The following CNKSR3 variants were observed in gnomAD, a reference collection of about 807,000 sequenced individuals.
The protein encoded by CNKSR3 is connector enhancer of kinase suppressor of ras 3.
In CNKSR3, 36 loss-of-function variants were observed where a neutral mutation model predicts 67.7. The ratio of observed to expected loss-of-function variants is 0.53; its 90% CI spans 0.41 to 0.70. The LOEUF (loss-of-function observed/expected upper bound fraction) is 0.70, where lower values mean the gene tolerates loss of function less well. Ranked by LOEUF, CNKSR3 falls within the 30% of genes least tolerant of loss-of-function variation. CNKSR3 has a pLI of 0.00. For missense variants in CNKSR3, 630 were observed against 695.2 expected, an observed-to-expected ratio of 0.91 and a Z score of 1.05; for synonymous variants, 281 against 271.4, an observed-to-expected ratio of 1.04 and a Z score of -0.35.
Position 154,405,392 on chromosome 6 carries a change from A to C in CNKSR3, c.*962T>G, listed in dbSNP as rs887101877. The C allele has an allele frequency of 2.0e-5, 3 of 152,642 alleles. No homozygotes were observed. Among genetic ancestry groups the C allele is most frequent in the African/African-American group, 7.2e-5 (3 of 41,458 alleles). 9.5% of individuals were successfully genotyped at this position (152,642 alleles called of 1,614,324 possible). On this transcript the variant is annotated 3_prime_UTR_variant, in exon 13 of 13. Transcript: ENST00000607772. ...AACAAAATATCATACATTCAGTTTA[A>C]ACAAGAGTTAATATCCAGACACACG...
rs1784728961 is a variant in CNKSR3 at position 154,402,415 on chromosome 6, ATG to A, written c.*3937_*3938del. ...ACAGAATTTTCAGCCCAGTTTTAAT[ATG>A]CTTTGGATTTTTCAAGAATGCAATG... On this transcript the variant is annotated 3_prime_UTR_variant, in exon 13 of 13. Coordinates refer to ENST00000607772, the MANE Select transcript of CNKSR3 (RefSeq NM_173515.4). 6.6e-6 allele frequency: 1 copy of A among 152,200 alleles called. No homozygotes were observed. Among genetic ancestry groups the A allele is most frequent in the African/African-American group, 2.4e-5 (1 of 41,450 alleles). The allele number at this position is 152,200 out of a possible 1,614,324, so 9.4% of individuals were successfully genotyped here.
intron 1 of CNKSR3, among the ~76,000 whole-genome samples, chr6:154,500,901 A>C (rs1317111451): frequency 2.6e-5 from 4 of 152,362 alleles, no homozygotes; most frequent in Middle Eastern, 3.4e-3. Context: ...ATGTCAAAGA[A>C]AACAAAGTAG....
chr6:154,489,221 A>T (rs1382015362), intron 1 of CNKSR3, among the ~76,000 whole-genome samples: 1 of 152,120 alleles, frequency 6.6e-6, no homozygotes, highest in Non-Finnish European at 1.5e-5. Flanking sequence ...TGTATTTTCA[A>T]GATTTCGGTG....
At chr6:154,429,687 C>A (rs554611014) in intron 6 of CNKSR3, among the ~76,000 whole-genome samples, 2 of 152,214 alleles carry the variant, frequency 1.3e-5, no homozygotes, top group East Asian at 3.9e-4. Context: ...TGACAGCTAC[C>A]TATACATTAG....
At chr6:154,492,759 C>CAA (rs1359589710) in intron 1 of CNKSR3, among the ~76,000 whole-genome samples, 6 of 131,360 alleles carry the variant, frequency 4.6e-5, no homozygotes, top group Admixed American at 4.5e-4. Flanking sequence ...AAAAAAAAAA[C>CAA]AAAAAACAAA....
Position 154,398,595 on chromosome 6 carries a change from A to G in CNKSR3, c.*7759T>C, listed in dbSNP as rs542318482. ...CCATTCTACATTATTCCTTTATTTAAAACCACAGGAAACATAGAAACGAGT... is the reference window on the plus strand; with the variant it reads ...CCATTCTACATTATTCCTTTATTTAGAACCACAGGAAACATAGAAACGAGT... On this transcript the variant is annotated 3_prime_UTR_variant, in exon 13 of 13. Coordinates refer to ENST00000607772, the MANE Select transcript of CNKSR3 (RefSeq NM_173515.4). The G allele has an allele frequency of 5.3e-5, 8 of 152,318 alleles. No individual in the cohort carries two copies. In the South Asian group the frequency reaches 1.7e-3, roughly 32 times the overall value. 9.4% of individuals were successfully genotyped at this position (152,318 alleles called of 1,614,324 possible). A position where few individuals can be genotyped will look rare whatever the true frequency, so the allele number is the denominator to read the frequency against.
chr6:154,403,075 C>T lies in CNKSR3; in HGVS notation c.*3279G>A, dbSNP rs1158192541. 1 of 152,100 alleles carries T rather than the reference C, an allele frequency of 6.6e-6. No homozygotes were observed. Among genetic ancestry groups the T allele is most frequent in the African/African-American group, 2.4e-5 (1 of 41,400 alleles). The allele number at this position is 152,100 out of a possible 1,614,324, so 9.4% of individuals were successfully genotyped here. ...TGATGTTTTTATGAGTGAAGGTAAG[C>T]TTCATCATCCATGATTTTCATTTGA... On this transcript the variant is annotated 3_prime_UTR_variant, in exon 13 of 13. Transcript: ENST00000607772.
chr6:154,433,485 T>A lies in CNKSR3; in HGVS notation c.530A>T (p.Glu177Val). ...ACTTACCACAGTTAAAACTTTATCC[T>A]CCATTTCCGCTACAAAGCAATCCTA... ...VQKDCFVAEM[E>V]DKVLTVVKVL... Residue 177 changes from glutamate (E) to valine (V), a missense_variant, in exon 5 of 13, where the codon GAG becomes GTG. Coordinates refer to ENST00000607772, the MANE Select transcript of CNKSR3 (RefSeq NM_173515.4). 1 of 1,589,780 alleles carries A rather than the reference T, an allele frequency of 6.3e-7. No homozygotes were observed. The highest frequency in any genetic ancestry group is 8.6e-7 in the Non-Finnish European group (1 of 1,163,066).
intron 1 of CNKSR3, among the ~76,000 whole-genome samples, chr6:154,479,207 T>G (rs1786515473): frequency 7.3e-6 from 1 of 137,858 alleles, no homozygotes; most frequent in Non-Finnish European, 1.6e-5. Context: ...ATAAAGGAGA[T>G]GGATTCAGAG....
Position 154,452,615 on chromosome 6 carries a change from T to C in CNKSR3, c.53-2357A>G, listed in dbSNP as rs374579676. Among the ~76,000 whole-genome samples the C allele has an allele frequency of 3.9e-4, 59 of 152,386 alleles. 3 individuals are homozygous for C. The South Asian group carries it at 8.7e-3, about 22-fold the overall frequency. On this transcript the variant is annotated intron_variant, in intron 1 of 12. Coordinates refer to ENST00000607772, the MANE Select transcript of CNKSR3 (RefSeq NM_173515.4). ...ATACAAGTTTAGGACAACTATGTTA[T>C]ACATTTCAAGCCTGTTATGGCTAAA...
At position 154,403,279 on chromosome 6, in the gene CNKSR3, G is replaced by C. The variant is rs561305171; in HGVS notation, c.*3075C>G. The C allele has an allele frequency of 6.6e-6, 1 of 152,166 alleles. No individual in the cohort carries two copies. Among genetic ancestry groups the C allele is most frequent in the East Asian group, 1.9e-4 (1 of 5,176 alleles). 9.4% of individuals were successfully genotyped at this position (152,166 alleles called of 1,614,324 possible). ...AAAAATTAGCCAGGTGTGGTGGCGGGCACCTGTAATCCCAGCTACTTGGGA... is the reference window on the plus strand; with the variant it reads ...AAAAATTAGCCAGGTGTGGTGGCGGCCACCTGTAATCCCAGCTACTTGGGA... On this transcript the variant is annotated 3_prime_UTR_variant, in exon 13 of 13. Coordinates refer to ENST00000607772, the MANE Select transcript of CNKSR3 (RefSeq NM_173515.4).
At chr6:154,488,527 G>C (rs1045717321) in intron 1 of CNKSR3, among the ~76,000 whole-genome samples, 2 of 152,032 alleles carry the variant, frequency 1.3e-5, no homozygotes, top group Non-Finnish European at 2.9e-5. Flanking sequence ...CTGAAAATAC[G>C]AAAAAGATAC....
intron 4 of CNKSR3, among the ~76,000 whole-genome samples, chr6:154,435,863 T>C (rs207467535): frequency 6.6e-6 from 1 of 152,258 alleles, no homozygotes; most frequent in African/African-American, 2.4e-5. Flanking sequence ...TTAGTTTCCT[T>C]CTTTCTAAAA....
chr6:154,414,488 TA>T, intron 9 of CNKSR3, 65 bp from the exon 10 acceptor site: 1 of 1,534,948 alleles, frequency 6.5e-7, no homozygotes, highest in Non-Finnish European at 8.8e-7. Context: ...TCTTGGTGTT[TA>T]TTTCCCCTCC....
At chr6:154,436,120 G>T (rs536896463) in intron 4 of CNKSR3, among the ~76,000 whole-genome samples, 28 of 152,384 alleles carry the variant, frequency 1.8e-4, no homozygotes, top group African/African-American at 6.3e-4. Context: ...AGACACCTGA[G>T]ACACAGTCAG....
intron 1 of CNKSR3, among the ~76,000 whole-genome samples, chr6:154,504,143 A>T (rs2114662627): frequency 6.6e-6 from 1 of 152,352 alleles, no homozygotes; most frequent in East Asian, 1.9e-4. Context: ...TGCTCACTGC[A>T]AGCCCAGGTA....
intron 7 of CNKSR3, among the ~76,000 whole-genome samples, chr6:154,424,491 C>T (rs1282757353): frequency 6.6e-6 from 1 of 152,072 alleles, no homozygotes; most frequent in Admixed American, 6.6e-5. Context: ...TCCAAATATC[C>T]AAAAAATAGC....
rs773533317 is a variant in CNKSR3 at position 154,415,227 on chromosome 6, C to CTTTTTTTTTTT, written c.946-805_946-804insAAAAAAAAAAA. On this transcript the variant is annotated intron_variant, in intron 9 of 12. Coordinates refer to ENST00000607772, the MANE Select transcript of CNKSR3 (RefSeq NM_173515.4). Reference sequence around the variant, plus strand: ...ATCCTGGCTAGACTTACTAGCTGCCCATTTTTTTTTTTTTTTTTTTTAAGA... The same window carrying CTTTTTTTTTTT: ...ATCCTGGCTAGACTTACTAGCTGCCCTTTTTTTTTTTATTTTTTTTTTTTTTTTTTTTAAGA... Among the ~76,000 whole-genome samples the CTTTTTTTTTTT allele has an allele frequency of 1.8e-3, 203 of 112,764 alleles. 14 individuals carry two copies. Among genetic ancestry groups the CTTTTTTTTTTT allele is most frequent in the Non-Finnish European group, 3.0e-3 (174 of 57,582 alleles). The allele number at this position is 112,764 out of a possible 152,430, so 74.0% of individuals were successfully genotyped here. A position where few individuals can be genotyped will look rare whatever the true frequency, so the allele number is the denominator to read the frequency against.
intron 1 of CNKSR3, among the ~76,000 whole-genome samples, chr6:154,498,324 T>A (rs1464719559): frequency 6.6e-6 from 1 of 151,684 alleles, no homozygotes; most frequent in Admixed American, 6.6e-5. Context: ...TGCAAACTGG[T>A]CCATAGATAT....
Sources: allele counts gnomAD v4.1 joint callset (sites outside exome capture counted in the v4.1 genomes callset), GRCh38; gene constraint gnomAD v4.1.1; transcripts MANE v1.5; gene names NCBI Gene and HGNC (gene_info 2026-07-23, HGNC 2026-07-21).